ORC3: variants seen among roughly 807,000 people sequenced by gnomAD.
ORC3 encodes the protein homolog of latheo, Drosophila.
Under a neutral mutation model 100.7 loss-of-function variants are expected in ORC3, and 78 were observed. The observed-to-expected ratio is 0.77, with a 90% CI of 0.65 to 0.94. ORC3 has a LOEUF of 0.94. Among genes scored for constraint, ORC3 ranks in the 40% least tolerant of loss-of-function variants. The pLI is 0.00. For synonymous variants in ORC3, 295 were observed against 289.3 expected (o/e 1.02, Z -0.20); for missense variants, 789 against 823.9 (o/e 0.96, Z 0.52).
intron 5 of ORC3, among the ~76,000 whole-genome samples, chr6:87,606,660 C>T (rs563531815): frequency 1.3e-5 from 2 of 152,142 alleles, no homozygotes; most frequent in South Asian, 2.1e-4. Context: ...TTCCCCAGTA[C>T]CTAGGACTAC....
chr6:87,677,785 T>A, the ORC3 span: 1 of 1,599,082 alleles, frequency 6.3e-7, no homozygotes, highest in Non-Finnish European at 8.5e-7. Flanking sequence ...CACAACTGAG[T>A]TCCTCAGAAA....
At chr6:87,658,045 C>T in intron 16 of ORC3, 27 bp downstream of exon 16, 1 of 1,217,442 alleles carries the variant, frequency 8.2e-7, no homozygotes, top group Non-Finnish European at 1.2e-6. Flanking sequence ...CTCTTAAGAG[C>T]TAAAAATCAT....
At position 87,590,166 on chromosome 6, in the gene ORC3, A is replaced by G. The variant is rs1018554682; in HGVS notation, c.-3A>G. On this transcript the variant is annotated 5_prime_UTR_variant, in exon 1 of 20. Coordinates refer to ENST00000392844, the MANE Select transcript of ORC3 (RefSeq NM_012381.4). Reference sequence around the variant, plus strand: ...ATCTGGAATACGCAGAGTCAGTAAGACCATGGCTACGTCCTCGATGTCTAA... The same window carrying G: ...ATCTGGAATACGCAGAGTCAGTAAGGCCATGGCTACGTCCTCGATGTCTAA... The G allele has an allele frequency of 2.5e-6, 4 of 1,614,060 alleles. No individual in the cohort carries two copies. The Admixed American group carries it at 5.0e-5, about 20-fold the overall frequency.
At chr6:87,602,424 A>G (rs184033250) in intron 3 of ORC3, among the ~76,000 whole-genome samples, 1 of 151,568 alleles carries the variant, frequency 6.6e-6, no homozygotes, top group Admixed American at 6.6e-5. Flanking sequence ...TTTCTTCACT[A>G]TAGCAAATTG....
At chr6:87,613,651 G>T (rs1276782234) in intron 8 of ORC3, among the ~76,000 whole-genome samples, 4 of 152,112 alleles carry the variant, frequency 2.6e-5, no homozygotes, top group Non-Finnish European at 5.9e-5. Flanking sequence ...ACAGGCATTG[G>T]GTAAATACAG....
intron 10 of ORC3, 76 bp from the exon 11 acceptor site, chr6:87,621,874 T>A (rs1779556211): frequency 9.8e-7 from 1 of 1,020,922 alleles, no homozygotes; most frequent in Admixed American, 2.1e-5. Flanking sequence ...TAGGTAGTTC[T>A]TTTTCCCAAT....
intron 8 of ORC3, among the ~76,000 whole-genome samples, chr6:87,612,574 G>T (rs1034146562): frequency 6.6e-6 from 1 of 152,036 alleles, no homozygotes; most frequent in Non-Finnish European, 1.5e-5. Flanking sequence ...TGTAGACTTT[G>T]TAGTAACAAT....
In ORC3 at chr6:87,606,467, G is replaced by A. The variant is rs541085038; in HGVS notation, c.427+446G>A. 2.0e-5 allele frequency among the ~76,000 whole-genome samples: 3 copies of A among 151,998 alleles called. No individual in the cohort carries two copies. In the East Asian group the frequency reaches 5.8e-4, roughly 29 times the overall value. Reference sequence around the variant, plus strand: ...TGGTGAAAAATAGTCCACTGACAGAGGTAATCCTGAGCATGTGAACCCATG... The same window carrying A: ...TGGTGAAAAATAGTCCACTGACAGAAGTAATCCTGAGCATGTGAACCCATG... On this transcript the variant is annotated intron_variant, in intron 5 of 19. Transcript: ENST00000392844.
At chr6:87,675,982 C>G in the ORC3 span, 1 of 1,494,664 alleles carries the variant, frequency 6.7e-7, no homozygotes, top group Non-Finnish European at 9.2e-7. Flanking sequence ...CTTATTAGAG[C>G]CAGATAAACT....
Position 87,662,941 on chromosome 6 carries a change from T to TTA in ORC3, c.1692-55_1692-54dup, listed in dbSNP as rs1477125931. The TTA allele has an allele frequency of 6.4e-6, 7 of 1,088,618 alleles. No homozygotes were observed. The East Asian group carries it at 1.7e-4, about 26-fold the overall frequency. 67.4% of individuals were successfully genotyped at this position (1,088,618 alleles called of 1,614,324 possible). The stretch of plus-strand genomic sequence containing the variant: ...GAGCTTAAAGGAAAAAATATATATA[T>TTA]TATATATAAAGAAAATAAACCTGTG... On this transcript the variant is annotated intron_variant, in intron 16 of 19. Coordinates refer to ENST00000392844, the MANE Select transcript of ORC3 (RefSeq NM_012381.4).
intron 16 of ORC3, among the ~76,000 whole-genome samples, chr6:87,658,445 A>G (rs1389473118): frequency 6.8e-6 from 1 of 147,132 alleles, no homozygotes; most frequent in East Asian, 2.0e-4. Flanking sequence ...CAACGGTGCA[A>G]GACTCCGTCT....
Position 87,652,984 on chromosome 6 carries a change from T to C in ORC3, c.1383-132T>C, listed in dbSNP as rs1018593545. 4.9e-6 allele frequency: 3 copies of C among 616,454 alleles called. No individual in the cohort carries two copies. The South Asian group carries it at 9.9e-5, about 20-fold the overall frequency. 38.2% of individuals were successfully genotyped at this position (616,454 alleles called of 1,614,324 possible). ...TATGGAGGAAAATCTCTCCAAAAAA[T>C]GTTGGTAGCTACTAATGAAGAATTT... On this transcript the variant is annotated intron_variant, in intron 13 of 19. Coordinates refer to ENST00000392844, the MANE Select transcript of ORC3 (RefSeq NM_012381.4).
At chr6:87,609,882 T>C (rs1778620462) in intron 7 of ORC3, among the ~76,000 whole-genome samples, 1 of 152,148 alleles carries the variant, frequency 6.6e-6, no homozygotes, top group African/African-American at 2.4e-5. Flanking sequence ...TCTTATTTTC[T>C]GATACCCATC....
Position 87,590,156 on chromosome 6 carries a change from A to G in ORC3, c.-13A>G. 1 of 1,612,922 alleles carries G rather than the reference A, an allele frequency of 6.2e-7. No homozygotes were observed. Among genetic ancestry groups the G allele is most frequent in the Non-Finnish European group, 8.5e-7 (1 of 1,179,932 alleles). On this transcript the variant is annotated 5_prime_UTR_variant, in exon 1 of 20. Transcript: ENST00000392844. ...TCCCGAGTGCATCTGGAATACGCAGAGTCAGTAAGACCATGGCTACGTCCT... is the reference window on the plus strand; with the variant it reads ...TCCCGAGTGCATCTGGAATACGCAGGGTCAGTAAGACCATGGCTACGTCCT...
rs28381515 is a variant in ORC3, at chr6:87,653,854, A to G, written c.1516+605A>G. On this transcript the variant is annotated intron_variant, in intron 14 of 19. Coordinates refer to ENST00000392844, the MANE Select transcript of ORC3 (RefSeq NM_012381.4). ...TTTCTCTCTTTTGCTTGACCTCCAC[A>G]TGATCATTTATATATCCTGAATGCT... Among the ~76,000 whole-genome samples the G allele has an allele frequency of 9.1e-3, 1,387 of 152,278 alleles. 21 individuals are homozygous for G. Among genetic ancestry groups the G allele is most frequent in the African/African-American group, 0.031 (1,292 of 41,534 alleles).
At chr6:87,602,021 AAAC>A (rs1184836977) in intron 3 of ORC3, 140 bp downstream of exon 3, 1 of 596,282 alleles carries the variant, frequency 1.7e-6, no homozygotes, top group Non-Finnish European at 3.0e-6. Flanking sequence ...ATCCTTAAAA[AAAC>A]AACCATAATC....
At chr6:87,666,931 T>G (rs1770690265) in intron 19 of ORC3, 87 bp from the exon 20 acceptor site, 1 of 727,242 alleles carries the variant, frequency 1.4e-6, no homozygotes, top group African/African-American at 1.8e-5. Context: ...TCTACTTCAT[T>G]TTACCAACTA....
intron 1 of ORC3, 34 bp downstream of exon 1, chr6:87,590,226 C>G (rs1182597022): frequency 1.2e-6 from 2 of 1,608,256 alleles, no homozygotes; most frequent in Admixed American, 1.7e-5. Flanking sequence ...GTGGCTCTAC[C>G]GCTGCCTCAT....
Position 87,610,757 on chromosome 6 carries a change from G to T in ORC3, c.714-1332G>T, listed in dbSNP as rs192419885. On this transcript the variant is annotated intron_variant, in intron 7 of 19. Transcript: ENST00000392844. ...TTTAGTAGAGACGGGGTTTCACCTTGTTAGCCAGGATGGTCTCGATCTCCT... is the reference window on the plus strand; with the variant it reads ...TTTAGTAGAGACGGGGTTTCACCTTTTTAGCCAGGATGGTCTCGATCTCCT... 1.9e-3 allele frequency among the ~76,000 whole-genome samples: 274 copies of T among 144,342 alleles called. 10 individuals carry two copies. Among genetic ancestry groups the T allele is most frequent in the Non-Finnish European group, 3.3e-3 (215 of 66,074 alleles). 94.7% of individuals were successfully genotyped at this position (144,342 alleles called of 152,430 possible).
Sources: gnomAD v4.1 joint callset for allele counts (sites outside exome capture counted in the v4.1 genomes callset) on GRCh38, gnomAD v4.1.1 for gene constraint, MANE v1.5 for transcripts, NCBI Gene and HGNC (gene_info 2026-07-23, HGNC 2026-07-21) for gene names.